Variants in DNAH7 observed in about 807,000 individuals in gnomAD.
The protein encoded by DNAH7 is axonemal beta dynein heavy chain 7.
A neutral mutation model predicts 444.6 loss-of-function variants in DNAH7; 397 were observed. The ratio of observed to expected loss-of-function variants is 0.89; its 90% CI spans 0.82 to 0.97. The LOEUF (loss-of-function observed/expected upper bound fraction) is 0.97. Among genes scored for constraint, DNAH7 ranks in the 50% least tolerant of loss-of-function variants. The pLI is 0.00. For missense variants in DNAH7, 4,902 were observed against 4,800.8 expected (o/e 1.02, Z -0.62); for synonymous variants, 1,636 against 1,624.4 (o/e 1.01, Z -0.17).
intron 15 of DNAH7, among the ~76,000 whole-genome samples, chr2:195,974,847 A>G (rs1383201437): frequency 2.0e-5 from 3 of 151,910 alleles, no homozygotes; most frequent in Non-Finnish European, 2.9e-5. Context: ...CAAAGGACAG[A>G]ACTCTCCTTA....
intron 19 of DNAH7, among the ~76,000 whole-genome samples, chr2:195,941,380 G>A (rs1689426575): frequency 6.6e-6 from 1 of 150,570 alleles, no homozygotes; most frequent in Non-Finnish European, 1.5e-5. Flanking sequence ...GGGGGTTGGG[G>A]GGCAAGAGGA....
intron 27 of DNAH7, chr2:195,901,606 C>T (rs1479873512): frequency 6.6e-6 from 1 of 152,070 alleles, no homozygotes; most frequent in East Asian, 1.9e-4. Flanking sequence ...CTGAGTGTCC[C>T]CACGTTGGGA....
At chr2:196,012,737 A>C in intron 10 of DNAH7, 50 bp downstream of exon 10, 2 of 1,582,096 alleles carry the variant, frequency 1.3e-6, no homozygotes, top group South Asian at 2.3e-5. Context: ...AGTAGCCCAC[A>C]ATCATATTTT....
chr2:196,060,600 G>A (rs939813287), intron 1 of DNAH7, among the ~76,000 whole-genome samples: 4 of 152,148 alleles, frequency 2.6e-5, no homozygotes, highest in Admixed American at 2.0e-4. Context: ...ATTTTCACTA[G>A]TATGCAAACA....
chr2:196,004,180 C>A (rs1186623360), intron 10 of DNAH7, among the ~76,000 whole-genome samples: 1 of 152,134 alleles, frequency 6.6e-6, no homozygotes, highest in Non-Finnish European at 1.5e-5. Context: ...AGGCACTGAA[C>A]TGGGGAATAT....
intron 58 of DNAH7, among the ~76,000 whole-genome samples, chr2:195,783,968 G>A (rs759619465): frequency 1.3e-5 from 2 of 151,672 alleles, no homozygotes; most frequent in Admixed American, 1.3e-4. Context: ...ACAACAAAAC[G>A]GAACAAAAGG....
Position 195,857,619 on chromosome 2 carries a change from G to C in DNAH7, c.8172C>G (p.Asp2724Glu). ...LKGIKADKIP[D>E]PTGSGKKIED... ...CAATTTTTTTCCCTGAACCTGTTGG[G>C]TCAGGGATTTTGTCAGCTTTGATTC... is the stretch of plus-strand genomic sequence containing the variant. Residue 2724 changes from aspartate to glutamate, a missense_variant, in exon 44 of 65, where the codon GAC becomes GAG. Transcript: ENST00000312428. 6.2e-7 allele frequency: 1 copy of C among 1,613,890 alleles called. No homozygotes were observed. The highest frequency in any genetic ancestry group is 8.5e-7 in the Non-Finnish European group (1 of 1,179,932).
chr2:195,886,004 T>C (rs1701685828), intron 34 of DNAH7, 137 bp downstream of exon 34: 2 of 1,026,210 alleles, frequency 1.9e-6, no homozygotes, highest in Non-Finnish European at 2.7e-6. Flanking sequence ...CCTGGCTCTT[T>C]GCTCATTCTT....
intron 24 of DNAH7, among the ~76,000 whole-genome samples, chr2:195,912,748 T>C (rs1323505072): frequency 6.6e-6 from 1 of 152,210 alleles, no homozygotes; most frequent in Non-Finnish European, 1.5e-5. Flanking sequence ...ACTTGTCACA[T>C]ATAAACCTAC....
intron 47 of DNAH7, among the ~76,000 whole-genome samples, chr2:195,844,059 G>A (rs184434969): frequency 2.6e-5 from 4 of 151,936 alleles, no homozygotes; most frequent in African/African-American, 9.7e-5. Context: ...TCGCACCACT[G>A]CACTCCAGCC....
At position 195,938,344 on chromosome 2, in the gene DNAH7, T is replaced by TCACACACACACACA. The variant is rs68056425; in HGVS notation, c.3079-1566_3079-1553dup. ...CTTGTTTTATGTTTCAAATAGACAT[T>TCACACACACACACA]CACACACACACACACACACACACAC... On this transcript the variant is annotated intron_variant, in intron 19 of 64. Transcript: ENST00000312428. Among the ~76,000 whole-genome samples, 142 of 134,170 alleles carry TCACACACACACACA rather than the reference T, an allele frequency of 1.1e-3. 1 individual carries two copies. The highest frequency in any genetic ancestry group is 7.9e-3 in the East Asian group (37 of 4,674). The allele number at this position is 134,170 out of a possible 152,430, so 88.0% of individuals were successfully genotyped here.
chr2:195,826,992 T>C (rs1697793863), intron 48 of DNAH7, among the ~76,000 whole-genome samples: 1 of 151,854 alleles, frequency 6.6e-6, no homozygotes, highest in African/African-American at 2.4e-5. Context: ...CAGTCACAAA[T>C]GGTACTTCCA....
At chr2:195,865,736 A>G (rs974152016) in intron 40 of DNAH7, among the ~76,000 whole-genome samples, 9 of 152,146 alleles carry the variant, frequency 5.9e-5, no homozygotes, top group Non-Finnish European at 1.3e-4. Context: ...TGTTGAAGCC[A>G]TAACTCTCAA....
intron 58 of DNAH7, among the ~76,000 whole-genome samples, chr2:195,778,604 G>C (rs1695184040): frequency 8.8e-6 from 1 of 113,880 alleles, no homozygotes; most frequent in African/African-American, 3.5e-5. Context: ...GGGTGACAGA[G>C]CAAGACCCTG....
rs115493265 is a variant in DNAH7, at chr2:195,875,486, T to C, written c.6286+189A>G. ...AGTTTTGGAAGAGTTGGTGGGTGCATAGCCCATCCAAGGTCACCCACTTTA... is the reference window on the plus strand; with the variant it reads ...AGTTTTGGAAGAGTTGGTGGGTGCACAGCCCATCCAAGGTCACCCACTTTA... On this transcript the variant is annotated intron_variant, in intron 38 of 64. Coordinates refer to ENST00000312428, the MANE Select transcript of DNAH7 (RefSeq NM_018897.3). Among the ~76,000 whole-genome samples the C allele has an allele frequency of 1.9e-3, 296 of 152,310 alleles. 2 individuals carry two copies. Among genetic ancestry groups the C allele is most frequent in the African/African-American group, 6.9e-3 (287 of 41,556 alleles).
intron 15 of DNAH7, among the ~76,000 whole-genome samples, chr2:195,981,453 G>GA (rs994588969): frequency 3.8e-4 from 55 of 145,238 alleles, no homozygotes; most frequent in South Asian, 4.3e-4. Flanking sequence ...CTCAGAAATA[G>GA]AAAAAAAAAA....
chr2:196,008,769 C>G (rs1694540552), intron 10 of DNAH7, among the ~76,000 whole-genome samples: 1 of 152,148 alleles, frequency 6.6e-6, no homozygotes, highest in African/African-American at 2.4e-5. Flanking sequence ...CCAGGCACCT[C>G]TGGGTGGAAG....
chr2:195,933,777 A>G (rs1431118281), intron 21 of DNAH7, among the ~76,000 whole-genome samples: 1 of 151,434 alleles, frequency 6.6e-6, no homozygotes, highest in African/African-American at 2.4e-5. Flanking sequence ...GAGGGATAGC[A>G]TTAGGAGATA....
intron 10 of DNAH7, among the ~76,000 whole-genome samples, chr2:196,011,305 T>G (rs562464377): frequency 6.6e-6 from 1 of 152,230 alleles, no homozygotes; most frequent in African/African-American, 2.4e-5. Flanking sequence ...TATGTATCAA[T>G]TTTAAAAATT....
Sources: gnomAD v4.1 joint callset for allele counts (sites outside exome capture counted in the v4.1 genomes callset) on GRCh38, gnomAD v4.1.1 for gene constraint, MANE v1.5 for transcripts, NCBI Gene and HGNC (gene_info 2026-07-23, HGNC 2026-07-21) for gene names.